Variants in ABHD16A observed in about 807,000 individuals in gnomAD.
ABHD16A encodes the protein abhydrolase domain containing 16A, phospholipase, also known as phosphatidylserine lipase ABHD16A.
Under a neutral mutation model 89.8 loss-of-function variants are expected in ABHD16A, and 47 were observed. The ratio of observed to expected loss-of-function variants is 0.52; its 90% confidence interval spans 0.41 to 0.67. The LOEUF is 0.67. Ranked by LOEUF, ABHD16A falls within the 30% of genes least tolerant of loss-of-function variation. The pLI is 0.00. For synonymous variants in ABHD16A, 251 were observed against 280.4 expected, an observed-to-expected ratio of 0.90 and a Z score of 1.05; for missense variants, 580 against 734.6, an observed-to-expected ratio of 0.79 and a Z score of 2.43.
chr6:31,689,747 G>A (rs1803679322), intron 11 of ABHD16A, 43 bp from the exon 12 acceptor site: 1 of 1,580,252 alleles, frequency 6.3e-7, no homozygotes, highest in African/African-American at 1.3e-5. Context: ...CAGCACCAAA[G>A]GCCAGCTCAC....
Position 31,689,645 on chromosome 6 carries a change from G to C in ABHD16A, c.1017C>G (p.Ile339Met). The C allele has an allele frequency of 6.2e-7, 1 of 1,612,468 alleles. No individual in the cohort carries two copies. The highest frequency in any genetic ancestry group is 8.5e-7 in the Non-Finnish European group (1 of 1,179,718). ...NAMDVVVQFA[I>M]HRLGFQPQDI... Reference sequence around the variant, plus strand: ...CCTGGGGCTGGAAGCCTAGGCGGTGGATGGCAAACTGGACCACCACATCCA... The same window carrying C: ...CCTGGGGCTGGAAGCCTAGGCGGTGCATGGCAAACTGGACCACCACATCCA... The change falls in exon 12 of 20, where the codon ATC becomes ATG. Residue 339 changes from isoleucine to methionine, a missense_variant. Ile to Met is a conservative substitution (Grantham distance 10). Transcript: ENST00000395952.
At chr6:31,701,422 A>G in intron 2 of ABHD16A, 82 bp from the exon 3 acceptor site, 2 of 1,194,670 alleles carry the variant, frequency 1.7e-6, no homozygotes, top group Non-Finnish European at 2.5e-6. Flanking sequence ...ATACACTCTG[A>G]GCAAGATGGA....
Position 31,687,504 on chromosome 6 carries a change from C to T in ABHD16A, c.1587G>A (p.Leu529=). The T allele has an allele frequency of 1.2e-6, 2 of 1,613,138 alleles. No individual in the cohort carries two copies. The highest frequency in any genetic ancestry group is 1.7e-6 in the Non-Finnish European group (2 of 1,180,006). The change falls in exon 19 of 20, where the codon TTG becomes TTA. Residue 529 remains leucine (L), a synonymous_variant. Coordinates refer to ENST00000395952, the MANE Select transcript of ABHD16A (RefSeq NM_021160.3). This position sits in a 1 kb window ranked among gnomAD's most constrained non-coding sequence, Gnocchi z 6.3. The part of the protein sequence containing the change: ...MSADGRRQLA[L]FLARKHLHNF... ...TTCCCACTCCTTAGCTCACCAGAAACAAAGCCAGCTGCCGCCGTCCATCTG... is the reference window on the plus strand; with the variant it reads ...TTCCCACTCCTTAGCTCACCAGAAATAAAGCCAGCTGCCGCCGTCCATCTG...
At chr6:31,701,163 G>C in intron 3 of ABHD16A, 111 bp downstream of exon 3, 1 of 1,344,412 alleles carries the variant, frequency 7.4e-7, no homozygotes, top group Non-Finnish European at 1.1e-6. Context: ...ATGCCTGATG[G>C]AAGAGGGAAG....
intron 5 of ABHD16A, among the ~76,000 whole-genome samples, chr6:31,694,724 C>G (rs139932338): frequency 0.019 from 2,826 of 152,148 alleles, 88 homozygotes; most frequent in Middle Eastern, 0.027. Context: ...ATATTCGTCC[C>G]CCACCCCCTG....
At chr6:31,701,488 G>C in intron 2 of ABHD16A, 148 bp from the exon 3 acceptor site, 1 of 674,328 alleles carries the variant, frequency 1.5e-6, no homozygotes, top group South Asian at 2.0e-5. Context: ...TACAGTAGGT[G>C]CTCAGTATTT....
chr6:31,692,159 G>C, intron 7 of ABHD16A: 1 of 447,480 alleles, frequency 2.2e-6, no homozygotes. Context: ...CACATATCCT[G>C]TATGTACAGA....
Position 31,688,635 on chromosome 6 carries a change from G to A in ABHD16A, c.1250+88C>T. ...TGAGCCAGTGGCCTTTTACCAACTTGCACTTTAGTACTAGTTTCAGGGTTT... is the reference window on the plus strand; with the variant it reads ...TGAGCCAGTGGCCTTTTACCAACTTACACTTTAGTACTAGTTTCAGGGTTT... On this transcript the variant is annotated intron_variant, in intron 14 of 19. Transcript: ENST00000395952. This position sits in a 1 kb window ranked among gnomAD's most constrained non-coding sequence, Gnocchi z 4.9. 6.8e-7 allele frequency: 1 copy of A among 1,475,396 alleles called. No homozygotes were observed. Among genetic ancestry groups the A allele is most frequent in the Non-Finnish European group, 9.4e-7 (1 of 1,065,228 alleles). 91.4% of individuals were successfully genotyped at this position (1,475,396 alleles called of 1,614,324 possible).
Position 31,687,446 on chromosome 6 carries a change from T to A in ABHD16A, c.1593+52A>T. The stretch of plus-strand genomic sequence containing the variant: ...TTATAGGGTATCCCCAGTCCCCCTA[T>A]GTGAGCCCTGGCCATTCAAGAACCC... On this transcript the variant is annotated intron_variant, in intron 19 of 19. Transcript: ENST00000395952. The surrounding 1 kb of genome is among the most constrained non-coding windows in gnomAD (Gnocchi z 6.3). 1 of 1,612,718 alleles carries A rather than the reference T, an allele frequency of 6.2e-7. No individual in the cohort carries two copies. Among genetic ancestry groups the A allele is most frequent in the Non-Finnish European group, 8.5e-7 (1 of 1,179,666 alleles).
chr6:31,689,349 A>G (rs1249804692), intron 12 of ABHD16A, among the ~76,000 whole-genome samples: 1 of 152,036 alleles, frequency 6.6e-6, no homozygotes, highest in Non-Finnish European at 1.5e-5. Flanking sequence ...ACTTTCCCTG[A>G]TCTCCCCACC....
At chr6:31,689,219 C>A (rs1257905433) in intron 12 of ABHD16A, 100 bp from the exon 13 acceptor site, 4 of 1,053,944 alleles carry the variant, frequency 3.8e-6, no homozygotes, top group African/African-American at 1.6e-5. Context: ...CAACCCCATT[C>A]CCCCTATGTT....
In ABHD16A at chr6:31,688,420, C is replaced by T; in HGVS notation, c.1251-115G>A. On this transcript the variant is annotated intron_variant, in intron 14 of 19. Transcript: ENST00000395952. This position sits in a 1 kb window ranked among gnomAD's most constrained non-coding sequence, Gnocchi z 4.9. Reference sequence around the variant, plus strand: ...ACCCTCCCCTTGCTATAGCACAGCCCTTGACCTAGCCCTTCACTCAGGGGT... The same window carrying T: ...ACCCTCCCCTTGCTATAGCACAGCCTTTGACCTAGCCCTTCACTCAGGGGT... The T allele has an allele frequency of 9.1e-7, 1 of 1,099,062 alleles. No individual in the cohort carries two copies. The highest frequency in any genetic ancestry group is 1.4e-6 in the Non-Finnish European group (1 of 730,504). 68.1% of individuals were successfully genotyped at this position (1,099,062 alleles called of 1,614,324 possible).
Position 31,691,575 on chromosome 6 carries a change from T to C in ABHD16A, c.843+4A>G. The C allele has an allele frequency of 6.2e-7, 1 of 1,612,882 alleles. No homozygotes were observed. The highest frequency in any genetic ancestry group is 1.1e-5 in the South Asian group (1 of 91,020). ...CCACCTCTGGGCTCTCTGCTCCCTC[T>C]TACCAGCTTCTGTCCCTGGGGCTCA... On this transcript the variant is annotated splice_donor_region_variant and intron_variant, in intron 9 of 19. Coordinates refer to ENST00000395952, the MANE Select transcript of ABHD16A (RefSeq NM_021160.3).
Position 31,690,635 on chromosome 6 carries a change from G to C in ABHD16A, c.844-33C>G, listed in dbSNP as rs1803783786. 2 of 1,607,924 alleles carry C rather than the reference G, an allele frequency of 1.2e-6. No homozygotes were observed. The highest frequency in any genetic ancestry group is 1.3e-5 in the African/African-American group (1 of 74,926). ...GGAGGCAGGAAGGAAGGGCTGGGGG[G>C]CCAAGTTGGGACTGAAAAACTCCCT... is the stretch of plus-strand genomic sequence containing the variant. On this transcript the variant is annotated intron_variant, in intron 9 of 19. Coordinates refer to ENST00000395952, the MANE Select transcript of ABHD16A (RefSeq NM_021160.3). The surrounding 1 kb of genome is among the most constrained non-coding windows in gnomAD (Gnocchi z 4.1).
Position 31,693,458 on chromosome 6 carries a change from G to C in ABHD16A, c.430-26C>G. The C allele has an allele frequency of 6.2e-7, 1 of 1,611,604 alleles. No homozygotes were observed. The highest frequency in any genetic ancestry group is 8.5e-7 in the Non-Finnish European group (1 of 1,179,134). On this transcript the variant is annotated intron_variant, in intron 5 of 19. Coordinates refer to ENST00000395952, the MANE Select transcript of ABHD16A (RefSeq NM_021160.3). The surrounding 1 kb of genome is among the most constrained non-coding windows in gnomAD (Gnocchi z 5.0). Reference sequence around the variant, plus strand: ...CTGCAGTGGGCACGAGAGGCAAAGGGGTACTGAGAACTCAGGGGAGGCTCT... The same window carrying C: ...CTGCAGTGGGCACGAGAGGCAAAGGCGTACTGAGAACTCAGGGGAGGCTCT...
At position 31,688,527 on chromosome 6, in the gene ABHD16A, G is replaced by T; in HGVS notation, c.1250+196C>A. 1.2e-6 allele frequency: 1 copy of T among 803,504 alleles called. No individual in the cohort carries two copies. The highest frequency in any genetic ancestry group is 2.0e-6 in the Non-Finnish European group (1 of 512,738). 49.8% of individuals were successfully genotyped at this position (803,504 alleles called of 1,614,324 possible). A position where few individuals can be genotyped will look rare whatever the true frequency, so the allele number is the denominator to read the frequency against. ...CGTGCCAGGCCTTAACCCTTTGGTT[G>T]CCAGATCCTGAGGTGGTCCAGAGTC... On this transcript the variant is annotated intron_variant, in intron 14 of 19. Coordinates refer to ENST00000395952, the MANE Select transcript of ABHD16A (RefSeq NM_021160.3). This position sits in a 1 kb window ranked among gnomAD's most constrained non-coding sequence, Gnocchi z 4.9.
In ABHD16A at chr6:31,698,058, G is replaced by A. The variant is rs1583708466; in HGVS notation, c.344-1025C>T. ...GAGAGAATGATGTGTGCTGCAGAAT[G>A]ATTTGTACAACATTTATGCCAAAAA... On this transcript the variant is annotated intron_variant, in intron 4 of 19. Coordinates refer to ENST00000395952, the MANE Select transcript of ABHD16A (RefSeq NM_021160.3). This position sits in a 1 kb window ranked among gnomAD's most constrained non-coding sequence, Gnocchi z 4.1. Among the ~76,000 whole-genome samples, 1 of 152,192 alleles carries A rather than the reference G, an allele frequency of 6.6e-6. No individual in the cohort carries two copies. The highest frequency in any genetic ancestry group is 1.5e-5 in the Non-Finnish European group (1 of 68,028).
intron 4 of ABHD16A, among the ~76,000 whole-genome samples, chr6:31,697,708 T>C (rs1241383686): frequency 7.9e-5 from 12 of 152,192 alleles, no homozygotes; most frequent in Admixed American, 7.9e-4. Context: ...TGACTCTCTC[T>C]CCTCTCTCTT....
rs115302007 is a variant in ABHD16A, at chr6:31,690,397, G to A, written c.907+142C>T. 3.1e-4 allele frequency: 282 copies of A among 910,974 alleles called. 1 individual carries two copies. In the African/African-American group the frequency reaches 3.8e-3, roughly 12 times the overall value. 56.4% of individuals were successfully genotyped at this position (910,974 alleles called of 1,614,324 possible). ...GGGATGTAAGGTTATCAAAGCAAATGGCGAGTGGACTTTTCCCTAAAGCTG... is the reference window on the plus strand; with the variant it reads ...GGGATGTAAGGTTATCAAAGCAAATAGCGAGTGGACTTTTCCCTAAAGCTG... On this transcript the variant is annotated intron_variant, in intron 10 of 19. Coordinates refer to ENST00000395952, the MANE Select transcript of ABHD16A (RefSeq NM_021160.3). The surrounding 1 kb of genome is among the most constrained non-coding windows in gnomAD (Gnocchi z 4.1).
Sources: allele counts gnomAD v4.1 joint callset (sites outside exome capture counted in the v4.1 genomes callset), GRCh38; gene constraint gnomAD v4.1.1; non-coding constraint Gnocchi (gnomAD v3.1); transcripts MANE v1.5; gene names NCBI Gene and HGNC (gene_info 2026-07-23, HGNC 2026-07-21).